The following NEB variants were observed in gnomAD, a reference collection of about 807,000 sequenced individuals.
The protein encoded by NEB is nebulin, also known as nemaline myopathy type 2.
A neutral mutation model predicts 952.2 loss-of-function variants in NEB; 512 were observed. That is an observed-to-expected ratio of 0.54 (90% CI 0.50 to 0.58). NEB has a LOEUF of 0.58. Among genes scored for constraint, NEB ranks in the 20% least tolerant of loss-of-function variants. The probability of loss-of-function intolerance (pLI) is 0.00; values close to 1 mark genes in which losing one functional copy is unlikely to be tolerated. For synonymous variants in NEB, 2,900 were observed against 3,149.8 expected, an observed-to-expected ratio of 0.92 and a Z score of 2.66; for missense variants, 8,428 against 9,231.1, an observed-to-expected ratio of 0.91 and a Z score of 3.56.
chr2:151,505,953 T>C (rs973151953), intron 164 of NEB: 26 of 589,834 alleles, frequency 4.4e-5, no homozygotes, highest in African/African-American at 4.3e-4. Flanking sequence ...AGCCTCTCTG[T>C]TTTTCAGATC....
At position 151,683,637 on chromosome 2, in the gene NEB, G is replaced by A. The variant is rs2099450006; in HGVS notation, c.2836-868C>T. Among the ~76,000 whole-genome samples, 6 of 152,158 alleles carry A rather than the reference G, an allele frequency of 3.9e-5. No homozygotes were observed. In the South Asian group the frequency reaches 1.2e-3, roughly 32 times the overall value. On this transcript the variant is annotated intron_variant, in intron 28 of 181. Coordinates refer to ENST00000397345, the MANE Select transcript of NEB (RefSeq NM_001164508.2). Reference sequence around the variant, plus strand: ...GGTAGGAATGTAAAATTTTGCAGCTGCTGCAGAAAACAGTATGGTGGTTCC... The same window carrying A: ...GGTAGGAATGTAAAATTTTGCAGCTACTGCAGAAAACAGTATGGTGGTTCC...
intron 55 of NEB, among the ~76,000 whole-genome samples, chr2:151,645,479 A>G (rs2098944691): frequency 6.6e-6 from 1 of 152,210 alleles, no homozygotes; most frequent in African/African-American, 2.4e-5. Flanking sequence ...GTTTTTTCAG[A>G]TCTGTAACAT....
chr2:151,728,160 A>C (rs2099796591), intron 4 of NEB, among the ~76,000 whole-genome samples: 3 of 152,194 alleles, frequency 2.0e-5, no homozygotes, highest in African/African-American at 2.4e-5. Flanking sequence ...ACATTGCCTT[A>C]AGTTTGCATT....
At chr2:151,532,415 GAAAC>G (rs989252727) in intron 143 of NEB, among the ~76,000 whole-genome samples, 1 of 152,132 alleles carries the variant, frequency 6.6e-6, no homozygotes, top group African/African-American at 2.4e-5. Flanking sequence ...TGTCAAAGAT[GAAAC>G]AGGGATGTAA....
rs921642733 is a variant in NEB, at chr2:151,631,335, C to A, written c.9426G>T (p.Lys3142Asn). 1.9e-6 allele frequency: 3 copies of A among 1,613,192 alleles called. No individual in the cohort carries two copies. The highest frequency in any genetic ancestry group is 2.5e-6 in the Non-Finnish European group (3 of 1,179,460). ...TGCCTCTCAGCCACTGGAGATCTGA[C>A]TTGTAAATATTCTGAGCAGAGGAAA... ...AYDLQSDNIYKSDLQWLRGIG... is the reference protein window; with the variant it reads ...AYDLQSDNIYNSDLQWLRGIG... Residue 3142 changes from lysine to asparagine, a missense_variant, in exon 66 of 182, where the codon AAG (lysine) becomes AAT (asparagine). Lys to Asn is a moderately conservative substitution (Grantham distance 94). Around this residue, in one of 11 missense-constraint regions of NEB, gnomAD observed 1,772 missense variants for 1,960.3 expected, o/e 0.90. Coordinates refer to ENST00000397345, the MANE Select transcript of NEB (RefSeq NM_001164508.2).
At chr2:151,611,549 C>A (rs1157367172) in intron 78 of NEB, among the ~76,000 whole-genome samples, 1 of 152,188 alleles carries the variant, frequency 6.6e-6, no homozygotes, top group Non-Finnish European at 1.5e-5. Flanking sequence ...GATTGGAAGG[C>A]TTCCAGGCAG....
At chr2:151,526,367 T>G (rs1234807482) in intron 148 of NEB, 105 bp from the exon 149 acceptor site, 1 of 795,542 alleles carries the variant, frequency 1.3e-6, no homozygotes, top group East Asian at 2.7e-5. Context: ...AATACTAAAC[T>G]CAATAAAAGA....
At chr2:151,690,320 C>T (rs1437469190) in intron 24 of NEB, 1 of 198,602 alleles carries the variant, frequency 5.0e-6, no homozygotes, top group Non-Finnish European at 1.0e-5. Context: ...TGTTTGATGT[C>T]TGTCTTGTTA....
chr2:151,667,325 G>A (rs1377052372), intron 40 of NEB, among the ~76,000 whole-genome samples: 1 of 151,946 alleles, frequency 6.6e-6, no homozygotes, highest in Non-Finnish European at 1.5e-5. Flanking sequence ...TCATAACAAT[G>A]ATACTAATGA....
At chr2:151,531,308 C>CTTTTT (rs1159075000) in intron 144 of NEB, among the ~76,000 whole-genome samples, 5 of 84,010 alleles carry the variant, frequency 6.0e-5, no homozygotes, top group African/African-American at 1.3e-4. Flanking sequence ...TTTTTTCTTT[C>CTTTTT]TTTTTTTTTT....
rs1247674439 is a variant in NEB, at chr2:151,655,424, GGAAA to G, written c.6703-54_6703-51del. ...GAAATTTGAATAACTGGGACAAGCAGGAAAGAAAAATATGTATTTATATATTAGT... is the reference window on the plus strand; with the variant it reads ...GAAATTTGAATAACTGGGACAAGCAGGAAAAATATGTATTTATATATTAGT... On this transcript the variant is annotated intron_variant, in intron 50 of 181. Coordinates refer to ENST00000397345, the MANE Select transcript of NEB (RefSeq NM_001164508.2). The G allele has an allele frequency of 3.7e-6, 4 of 1,083,350 alleles. No homozygotes were observed. In the Admixed American group the frequency reaches 8.9e-5, roughly 24 times the overall value. The allele number at this position is 1,083,350 out of a possible 1,614,324, so 67.1% of individuals were successfully genotyped here. A position where few individuals can be genotyped will look rare whatever the true frequency, so the allele number is the denominator to read the frequency against.
intron 63 of NEB, among the ~76,000 whole-genome samples, 162 bp from the exon 64 acceptor site, chr2:151,636,496 G>A (rs906873443): frequency 6.6e-6 from 1 of 152,170 alleles, no homozygotes. Context: ...ACTCAAAAAT[G>A]AGGCTAGGTG....
chr2:151,646,339 G>A (rs2098957629), intron 54 of NEB, 105 bp from the exon 55 acceptor site: 2 of 845,804 alleles, frequency 2.4e-6, no homozygotes, highest in Non-Finnish European at 3.8e-6. Context: ...ACATTATACA[G>A]AATTGATATA....
intron 4 of NEB, among the ~76,000 whole-genome samples, chr2:151,729,154 A>G (rs747450126): frequency 2.0e-5 from 3 of 152,192 alleles, no homozygotes; most frequent in Non-Finnish European, 4.4e-5. Context: ...TAGCATTTCA[A>G]TGCATCATCA....
At position 151,485,668 on chromosome 2, in the gene NEB, C is replaced by T. The variant is rs985877971; in HGVS notation, c.*92G>A. On this transcript the variant is annotated 3_prime_UTR_variant, in exon 182 of 182. Transcript: ENST00000397345. ...ATTGACACAGAAAAACCATAGGCAG[C>T]TTGAGAACTTAGGTAACAGTGGAGA... 1.6e-6 allele frequency: 2 copies of T among 1,255,144 alleles called. No homozygotes were observed. The highest frequency in any genetic ancestry group is 2.2e-6 in the Non-Finnish European group (2 of 916,612). 77.8% of individuals were successfully genotyped at this position (1,255,144 alleles called of 1,614,324 possible).
chr2:151,549,247 T>C (rs762372395), intron 130 of NEB, among the ~76,000 whole-genome samples: 11 of 152,192 alleles, frequency 7.2e-5, no homozygotes, highest in Non-Finnish European at 1.0e-4. Flanking sequence ...CAGTGAAACA[T>C]AGCAGAAGGA....
Position 151,553,538 on chromosome 2 carries a change from A to G in NEB, c.19627-36T>C, listed in dbSNP as rs574825401. On this transcript the variant is annotated intron_variant, in intron 126 of 181. Transcript: ENST00000397345. ...TTGATAGAAAGGATCAGAAAAAAAA[A>G]ATTGACCATAATAACTTTAACACTA... 29 of 1,410,090 alleles carry G rather than the reference A, an allele frequency of 2.1e-5. No individual in the cohort carries two copies. The African/African-American group carries it at 2.1e-4, about 10-fold the overall frequency. The allele number at this position is 1,410,090 out of a possible 1,614,324, so 87.3% of individuals were successfully genotyped here. A position where few individuals can be genotyped will look rare whatever the true frequency, so the allele number is the denominator to read the frequency against.
intron 119 of NEB, 50 bp downstream of exon 119, chr2:151,563,556 C>T (rs748500508): frequency 1.6e-5 from 23 of 1,475,304 alleles, no homozygotes; most frequent in Admixed American, 6.7e-5. Flanking sequence ...GCAGACACGG[C>T]AGCACACTTA....
At chr2:151,649,773 G>C (rs1029879734) in intron 54 of NEB, among the ~76,000 whole-genome samples, 1 of 152,090 alleles carries the variant, frequency 6.6e-6, no homozygotes, top group Non-Finnish European at 1.5e-5. Flanking sequence ...TAAACTAAAA[G>C]CATTATAATC....
Sources: allele counts gnomAD v4.1 joint callset (sites outside exome capture counted in the v4.1 genomes callset), GRCh38; gene constraint gnomAD v4.1.1; regional missense constraint gnomAD v4.1.1; transcripts MANE v1.5; gene names NCBI Gene and HGNC (gene_info 2026-07-23, HGNC 2026-07-21).